The following CYP19A1 variants were observed in gnomAD, a reference collection of about 807,000 sequenced individuals.
The protein encoded by CYP19A1 is cytochrome P450 family 19 subfamily A member 1, also known as aromatase.
A neutral mutation model predicts 44.4 loss-of-function variants in CYP19A1; 32 were observed. The ratio of observed to expected loss-of-function variants is 0.72; its 90% CI spans 0.54 to 0.97. CYP19A1 has a LOEUF of 0.97. Ranked by LOEUF, CYP19A1 falls within the 50% of genes least tolerant of loss-of-function variation. The pLI is 0.00. For synonymous variants in CYP19A1, 212 were observed against 215.6 expected, an observed-to-expected ratio of 0.98 and a Z score of 0.14; for missense variants, 598 against 637.8, an observed-to-expected ratio of 0.94 and a Z score of 0.67.
At chr15:51,243,235 C>T (rs530619947) in intron 1 of CYP19A1, among the ~76,000 whole-genome samples, 18 of 152,230 alleles carry the variant, frequency 1.2e-4, no homozygotes, top group East Asian at 1.9e-4. Context: ...GGTAGAGTGA[C>T]GTGCATTCCC....
chr15:51,296,617 T>G (rs2036000240), intron 1 of CYP19A1, among the ~76,000 whole-genome samples: 1 of 152,224 alleles, frequency 6.6e-6, no homozygotes, highest in Non-Finnish European at 1.5e-5. Flanking sequence ...AGTTGTTCCT[T>G]TATGCTGAGA....
intron 1 of CYP19A1, among the ~76,000 whole-genome samples, chr15:51,305,780 C>T (rs2036205255): frequency 6.6e-6 from 1 of 152,050 alleles, no homozygotes; most frequent in African/African-American, 2.4e-5. Context: ...AGGCTGGTCT[C>T]GAACTCCTGA....
At chr15:51,216,187 A>T (rs1451525372) in intron 6 of CYP19A1, among the ~76,000 whole-genome samples, 2 of 152,220 alleles carry the variant, frequency 1.3e-5, no homozygotes, top group Non-Finnish European at 2.9e-5. Flanking sequence ...GAGTGCTGTC[A>T]GGTGCTCTTC....
At position 51,283,512 on chromosome 15, in the gene CYP19A1, C is replaced by T. The variant is rs138963015; in HGVS notation, c.-38-40562G>A. 5.5e-3 allele frequency among the ~76,000 whole-genome samples: 836 copies of T among 152,288 alleles called. 11 individuals carry two copies. The highest frequency in any genetic ancestry group is 0.019 in the African/African-American group (804 of 41,536). On this transcript the variant is annotated intron_variant, in intron 1 of 9. Coordinates refer to ENST00000396402, the MANE Select transcript of CYP19A1 (RefSeq NM_000103.4). ...CTGAATACGTTAAGGCTTGCGATGG[C>T]ATTGGAGGTAACTTACATAAGGCTA... is the stretch of plus-strand genomic sequence containing the variant.
At chr15:51,219,247 A>T (rs1168227160) in intron 5 of CYP19A1, among the ~76,000 whole-genome samples, 2 of 152,204 alleles carry the variant, frequency 1.3e-5, no homozygotes, top group Non-Finnish European at 2.9e-5. Context: ...TGTAGAATTC[A>T]TCTTGTGTTC....
chr15:51,314,606 T>C (rs34425289), intron 1 of CYP19A1, among the ~76,000 whole-genome samples: 98 of 152,326 alleles, frequency 6.4e-4, no homozygotes, highest in African/African-American at 2.2e-3. Context: ...TCACACACTG[T>C]TCTGCCTTAG....
At chr15:51,285,554 G>T (rs1331207095) in intron 1 of CYP19A1, among the ~76,000 whole-genome samples, 1 of 152,220 alleles carries the variant, frequency 6.6e-6, no homozygotes, top group African/African-American at 2.4e-5. Context: ...AATGTCCAGG[G>T]CTCGGCGCAT....
intron 3 of CYP19A1, among the ~76,000 whole-genome samples, chr15:51,231,321 T>G (rs539570354): frequency 6.6e-6 from 1 of 152,242 alleles, no homozygotes. Context: ...ATGTGGGATA[T>G]GTTATAGCTG....
At chr15:51,327,533 A>G (rs2141027685) in intron 1 of CYP19A1, among the ~76,000 whole-genome samples, 1 of 150,576 alleles carries the variant, frequency 6.6e-6, no homozygotes, top group South Asian at 2.1e-4. Context: ...TTGCTCTGTC[A>G]TATAGTGGCA....
chr15:51,268,626 C>A (rs2140948700), intron 1 of CYP19A1, among the ~76,000 whole-genome samples: 1 of 149,222 alleles, frequency 6.7e-6, no homozygotes, highest in South Asian at 2.1e-4. Context: ...AAAAATCTAA[C>A]AGTGGCTGTA....
intron 1 of CYP19A1, among the ~76,000 whole-genome samples, chr15:51,252,849 T>C (rs2034374147): frequency 6.6e-6 from 1 of 152,192 alleles, no homozygotes; most frequent in African/African-American, 2.4e-5. Context: ...ACGGAGTTAA[T>C]CTGGGGAAGA....
At chr15:51,258,265 C>T (rs1003444105) in intron 1 of CYP19A1, among the ~76,000 whole-genome samples, 2 of 152,184 alleles carry the variant, frequency 1.3e-5, no homozygotes, top group Non-Finnish European at 2.9e-5. Context: ...ATTTTCTCTC[C>T]TTTTAGTTTG....
intron 1 of CYP19A1, among the ~76,000 whole-genome samples, chr15:51,274,606 C>T (rs999502232): frequency 6.6e-6 from 1 of 152,140 alleles, no homozygotes; most frequent in Non-Finnish European, 1.5e-5. Context: ...TGTTTCTAGC[C>T]AAAAGACTTG....
At chr15:51,329,425 G>C (rs932123159) in intron 1 of CYP19A1, among the ~76,000 whole-genome samples, 1 of 152,184 alleles carries the variant, frequency 6.6e-6, no homozygotes, top group Admixed American at 6.5e-5. Flanking sequence ...TGTCTATTTG[G>C]ATAGTAAGGC....
At position 51,212,575 on chromosome 15, in the gene CYP19A1, T is replaced by C. The variant is rs766767613; in HGVS notation, c.1022-14A>G. On this transcript the variant is annotated splice_polypyrimidine_tract_variant and intron_variant, in intron 8 of 9. Transcript: ENST00000396402. ...TGTCTCTCTCACCTGTGGAAACAGA[T>C]AAAAGGAACAAAGAAGGTAATGTTA... 1 of 1,427,482 alleles carries C rather than the reference T, an allele frequency of 7.0e-7. No individual in the cohort carries two copies. Among genetic ancestry groups the C allele is most frequent in the Non-Finnish European group, 9.9e-7 (1 of 1,009,604 alleles). 88.4% of individuals were successfully genotyped at this position (1,427,482 alleles called of 1,614,324 possible).
intron 1 of CYP19A1, among the ~76,000 whole-genome samples, chr15:51,302,059 TTC>T (rs1015577693): frequency 6.6e-6 from 1 of 152,152 alleles, no homozygotes; most frequent in Non-Finnish European, 1.5e-5. Flanking sequence ...CAGTTACCCC[TTC>T]TTGATCATTT....
intron 3 of CYP19A1, among the ~76,000 whole-genome samples, chr15:51,233,652 A>G (rs1595699066): frequency 1.3e-5 from 2 of 152,244 alleles, no homozygotes; most frequent in East Asian, 3.8e-4. Context: ...AGACAGATGT[A>G]AAAATATAAC....
At chr15:51,277,819 CGTT>C (rs1402974451) in intron 1 of CYP19A1, among the ~76,000 whole-genome samples, 1 of 151,820 alleles carries the variant, frequency 6.6e-6, no homozygotes, top group African/African-American at 2.4e-5. Context: ...ACAAATATCA[CGTT>C]TTTTTAAAAA....
intron 1 of CYP19A1, among the ~76,000 whole-genome samples, chr15:51,318,225 A>C (rs1248526379): frequency 8.5e-5 from 13 of 152,216 alleles, no homozygotes; most frequent in Admixed American, 6.5e-4. Flanking sequence ...ATGTAAAAAA[A>C]AAAATTTACA....
Sources: gnomAD v4.1 joint callset for allele counts (sites outside exome capture counted in the v4.1 genomes callset) on GRCh38, gnomAD v4.1.1 for gene constraint, MANE v1.5 for transcripts, NCBI Gene and HGNC (gene_info 2026-07-23, HGNC 2026-07-21) for gene names.